The following DAB1 variants were observed in gnomAD, a reference collection of about 807,000 sequenced individuals.
DAB1 encodes the protein DAB adaptor protein 1, also known as disabled homolog 1.
In DAB1, 15 loss-of-function variants were observed where a neutral mutation model predicts 64.6. The observed-to-expected ratio is 0.23, with a 90% confidence interval of 0.16 to 0.36. DAB1 has a LOEUF of 0.36. DAB1 is among the 10% of genes least tolerant of loss of function. DAB1 has a pLI of 1.00. For missense variants in DAB1, 596 were observed against 706.7 expected (o/e 0.84, Z 1.78); for synonymous variants, 235 against 251.9 (o/e 0.93, Z 0.64).
chr1:57,050,018 C>T (rs1041392423), intron 9 of DAB1, among the ~76,000 whole-genome samples: 1 of 152,152 alleles, frequency 6.6e-6, no homozygotes, highest in Non-Finnish European at 1.5e-5. Context: ...TCTCTGGTCC[C>T]AGTGCCTGCT....
intron 4 of DAB1, among the ~76,000 whole-genome samples, chr1:58,197,057 AT>A (rs1446884156): frequency 6.6e-6 from 1 of 152,140 alleles, no homozygotes; most frequent in Non-Finnish European, 1.5e-5. Flanking sequence ...TACAGTCTCC[AT>A]TTCTTATCTT....
At chr1:57,597,093 TCAGA>T (rs1558526957) in intron 7 of DAB1, among the ~76,000 whole-genome samples, 1 of 152,154 alleles carries the variant, frequency 6.6e-6, no homozygotes, top group African/African-American at 2.4e-5. Context: ...CCCGCTCAGC[TCAGA>T]CAGTTCTTTA....
chr1:57,034,019 C>T (rs936283818), intron 9 of DAB1, among the ~76,000 whole-genome samples: 12 of 152,248 alleles, frequency 7.9e-5, no homozygotes, highest in African/African-American at 2.4e-4. Context: ...CGGTGGCTCA[C>T]GCCTGTAATC....
intron 6 of DAB1, among the ~76,000 whole-genome samples, chr1:57,800,830 C>T (rs1003091421): frequency 6.6e-6 from 1 of 152,178 alleles, no homozygotes; most frequent in Admixed American, 6.5e-5. Context: ...GAGTGCTACC[C>T]TTAAAGTAGG....
At chr1:58,354,268 C>T (rs560543642) in intron 3 of DAB1, among the ~76,000 whole-genome samples, 11 of 152,066 alleles carry the variant, frequency 7.2e-5, no homozygotes, top group Middle Eastern at 3.4e-3. Context: ...CAGACCTATT[C>T]GAATTCAAGC....
intron 3 of DAB1, among the ~76,000 whole-genome samples, chr1:58,445,418 T>C (rs1451442383): frequency 6.6e-6 from 1 of 152,218 alleles, no homozygotes; most frequent in African/African-American, 2.4e-5. Context: ...GCCTGCTCTT[T>C]GGTTCTGCAG....
rs571939433 is a variant in DAB1 at position 57,905,040 on chromosome 1, C to T, written n.388-20878G>A. ...TGCACTTACTATATACTAGGCATTGCTGTAAGTGCTTAGGTATATTAACTT... is the reference window on the plus strand; with the variant it reads ...TGCACTTACTATATACTAGGCATTGTTGTAAGTGCTTAGGTATATTAACTT... On this transcript the variant is annotated intron_variant and non_coding_transcript_variant, in intron 5 of 20. Coordinates refer to the DAB1 transcript ENST00000485760. 3.9e-5 allele frequency among the ~76,000 whole-genome samples: 6 copies of T among 152,212 alleles called. No homozygotes were observed. In the South Asian group the frequency reaches 1.2e-3, roughly 32 times the overall value.
intron 2 of DAB1, among the ~76,000 whole-genome samples, chr1:58,517,446 C>T (rs1322150898): frequency 1.3e-5 from 2 of 152,176 alleles, no homozygotes; most frequent in Non-Finnish European, 2.9e-5. Context: ...AGGATAATTA[C>T]TATTTATCTT....
intron 1 of DAB1, among the ~76,000 whole-genome samples, chr1:57,404,382 T>C (rs1683472785): frequency 6.6e-6 from 1 of 152,216 alleles, no homozygotes; most frequent in Non-Finnish European, 1.5e-5. Context: ...TCTGTTTTAT[T>C]AATCAAAATA....
chr1:57,157,030 A>AT (rs1293092026), intron 2 of DAB1, among the ~76,000 whole-genome samples: 1 of 152,144 alleles, frequency 6.6e-6, no homozygotes, highest in African/African-American at 2.4e-5. Flanking sequence ...GGCAATTAGC[A>AT]TTTTTTATGA....
At chr1:57,197,382 C>T (rs1029137816) in intron 2 of DAB1, among the ~76,000 whole-genome samples, 3 of 151,556 alleles carry the variant, frequency 2.0e-5, no homozygotes, top group Admixed American at 6.6e-5. Flanking sequence ...AAAACTTGAC[C>T]GAAACCACAT....
At chr1:57,867,513 C>A (rs966524139) in intron 1 of DAB1, 1 of 152,114 alleles carries the variant, frequency 6.6e-6, no homozygotes, top group African/African-American at 2.4e-5. Context: ...AACTAAACTG[C>A]AACAGCAGAG....
chr1:58,214,365 T>C (rs754974905), intron 4 of DAB1, among the ~76,000 whole-genome samples: 3 of 152,192 alleles, frequency 2.0e-5, no homozygotes, highest in African/African-American at 4.8e-5. Flanking sequence ...GACTGACTTA[T>C]GCTTAAACCT....
chr1:57,430,906 A>C (rs1167130685), intron 7 of DAB1, among the ~76,000 whole-genome samples: 1 of 18,216 alleles, frequency 5.5e-5, no homozygotes, highest in African/African-American at 1.3e-4. Context: ...TTGGCAGAGA[A>C]AGAAAAAAAA....
chr1:58,088,195 G>A (rs1402163804), intron 5 of DAB1, among the ~76,000 whole-genome samples: 2 of 152,214 alleles, frequency 1.3e-5, no homozygotes, highest in Non-Finnish European at 2.9e-5. Flanking sequence ...TCCCCAAGTG[G>A]GGGTTCTTAG....
In DAB1 at chr1:57,250,644, T is replaced by C. The variant is rs1444332161; in HGVS notation, c.67+40320A>G. 2.0e-5 allele frequency among the ~76,000 whole-genome samples: 3 copies of C among 152,196 alleles called. 1 individual carries two copies. In the South Asian group the frequency reaches 6.2e-4, roughly 32 times the overall value. On this transcript the variant is annotated intron_variant, in intron 2 of 14. Coordinates refer to ENST00000371236, the MANE Select transcript of DAB1 (RefSeq NM_001365792.1). ...TTCCCTATACTCTAGTAAGAATCCA[T>C]AGCTTTTCATAATTTATACTTGCCT...
intron 5 of DAB1, among the ~76,000 whole-genome samples, chr1:58,100,640 CTG>C (rs1651260250): frequency 6.6e-6 from 1 of 152,156 alleles, no homozygotes; most frequent in Admixed American, 6.5e-5. Context: ...TCCCACCAAA[CTG>C]TTTTCTACCC....
intron 7 of DAB1, among the ~76,000 whole-genome samples, chr1:57,627,535 G>A (rs1029045935): frequency 2.0e-5 from 3 of 152,070 alleles, no homozygotes; most frequent in Admixed American, 2.0e-4. Context: ...CATATGAAAT[G>A]GTACACTTGT....
Position 57,292,375 on chromosome 1 carries a change from A to C in DAB1, c.-136-1209T>G, listed in dbSNP as rs61767390. Among the ~76,000 whole-genome samples the C allele has an allele frequency of 8.2e-3, 1,243 of 152,306 alleles. 32 individuals carry two copies. The highest frequency in any genetic ancestry group is 0.08 in the East Asian group (415 of 5,188). On this transcript the variant is annotated intron_variant, in intron 1 of 14. Coordinates refer to ENST00000371236, the MANE Select transcript of DAB1 (RefSeq NM_001365792.1). ...ATATATAAGCTACCTATTTTTTAAAAAGGAAATGGCCCAAATGAAAGTACT... is the reference window on the plus strand; with the variant it reads ...ATATATAAGCTACCTATTTTTTAAACAGGAAATGGCCCAAATGAAAGTACT...
Sources: gnomAD v4.1 joint callset for allele counts (sites outside exome capture counted in the v4.1 genomes callset) on GRCh38, gnomAD v4.1.1 for gene constraint, MANE v1.5 for transcripts, NCBI Gene and HGNC (gene_info 2026-07-23, HGNC 2026-07-21) for gene names.